VTA1: variants seen among roughly 807,000 people sequenced by gnomAD.
VTA1 encodes vesicle trafficking 1.
In VTA1, 24 loss-of-function variants were observed where a neutral mutation model predicts 36.9. That is an observed-to-expected ratio of 0.65 (90% CI 0.47 to 0.91). The LOEUF is 0.91. VTA1 is among the 40% of genes least tolerant of loss of function. VTA1 has a pLI of 0.00. For missense variants in VTA1, 393 were observed against 377.2 expected (o/e 1.04, Z -0.35); for synonymous variants, 142 against 130.2 (o/e 1.09, Z -0.62).
intron 4 of VTA1, among the ~76,000 whole-genome samples, chr6:142,186,616 A>G (rs780760975): frequency 2.8e-4 from 42 of 152,222 alleles, no homozygotes; most frequent in Non-Finnish European, 4.9e-4. Context: ...GACTCCTCCC[A>G]TTTACTTGAG....
intron 4 of VTA1, among the ~76,000 whole-genome samples, chr6:142,180,180 G>T (rs1354411686): frequency 6.6e-6 from 1 of 152,194 alleles, no homozygotes; most frequent in Non-Finnish European, 1.5e-5. Flanking sequence ...TAAGGAACCA[G>T]GACTTTCGTA....
intron 1 of VTA1, among the ~76,000 whole-genome samples, chr6:142,157,686 A>G (rs764024016): frequency 1.3e-5 from 2 of 152,150 alleles, no homozygotes; most frequent in African/African-American, 2.4e-5. Context: ...TGGTTGTTCA[A>G]AGTGGAAGCT....
chr6:142,157,173 T>G (rs1192951033), intron 1 of VTA1, among the ~76,000 whole-genome samples: 9 of 150,414 alleles, frequency 6.0e-5, no homozygotes, highest in African/African-American at 1.9e-4. Flanking sequence ...AAAAAAATGA[T>G]AATAATAATA....
intron 7 of VTA1, among the ~76,000 whole-genome samples, chr6:142,212,935 CAT>C (rs1385909052): frequency 1.3e-5 from 2 of 152,194 alleles, no homozygotes; most frequent in Non-Finnish European, 2.9e-5. Context: ...AAGTCCAAAT[CAT>C]ATCATTCTGT....
In VTA1 at chr6:142,222,116, G is replaced by T; in HGVS notation, c.*3473G>T. On this transcript the variant is annotated 3_prime_UTR_variant, in exon 8 of 8. Coordinates refer to ENST00000367630, the MANE Select transcript of VTA1 (RefSeq NM_016485.5). ...AGGATTTCTGTAAACTGGATGTGAG[G>T]TACGAACATAAGAGAAGGAGTAAAG... is the stretch of plus-strand genomic sequence containing the variant. The T allele has an allele frequency of 6.6e-6, 1 of 152,228 alleles. No individual in the cohort carries two copies. Among genetic ancestry groups the T allele is most frequent in the East Asian group, 1.9e-4 (1 of 5,180 alleles). The allele number at this position is 152,228 out of a possible 1,614,324, so 9.4% of individuals were successfully genotyped here.
At chr6:142,215,365 C>T (rs562154601) in intron 7 of VTA1, among the ~76,000 whole-genome samples, 16 of 151,124 alleles carry the variant, frequency 1.1e-4, no homozygotes, top group East Asian at 5.8e-4. Flanking sequence ...GGCATGAACC[C>T]GGGAGGTGAA....
In VTA1 at chr6:142,218,547, C is replaced by CAAAT. The variant is rs1776044586; in HGVS notation, c.830_833dup (p.Tyr278Ter). ...ACTTTGCTAGAGCTCAGAAGTACTGCAAATATGCTGGCAGTGCTTTGCAGT... is the reference window on the plus strand; with the variant it reads ...ACTTTGCTAGAGCTCAGAAGTACTGCAAATAAATATGCTGGCAGTGCTTTGCAGT... On this transcript the variant is annotated frameshift_variant, in exon 8 of 8. Transcript: ENST00000367630. LOFTEE classifies it high-confidence loss of function. 6.2e-7 allele frequency: 1 copy of CAAAT among 1,613,652 alleles called. No individual in the cohort carries two copies. Among genetic ancestry groups the CAAAT allele is most frequent in the Non-Finnish European group, 8.5e-7 (1 of 1,179,764 alleles).
intron 1 of VTA1, among the ~76,000 whole-genome samples, chr6:142,162,960 T>C (rs1774836834): frequency 1.3e-5 from 2 of 152,146 alleles, no homozygotes; most frequent in Admixed American, 6.5e-5. Context: ...AGTTTAATTA[T>C]AGAATGGCCA....
intron 7 of VTA1, among the ~76,000 whole-genome samples, chr6:142,215,360 G>A (rs991828111): frequency 6.6e-6 from 1 of 151,536 alleles, no homozygotes; most frequent in Non-Finnish European, 1.5e-5. Flanking sequence ...AGAATGGCAT[G>A]AACCCGGGAG....
At chr6:142,199,047 A>T (rs1262621315) in intron 6 of VTA1, among the ~76,000 whole-genome samples, 1 of 152,070 alleles carries the variant, frequency 6.6e-6, no homozygotes, top group Non-Finnish European at 1.5e-5. Flanking sequence ...CTCTGCCCTG[A>T]AGATGGGTAT....
chr6:142,205,219 G>A (rs1203183674), intron 7 of VTA1, among the ~76,000 whole-genome samples: 1 of 152,054 alleles, frequency 6.6e-6, no homozygotes, highest in African/African-American at 2.4e-5. Context: ...GCACTGCCTG[G>A]GCAGTTTGTT....
chr6:142,218,724 C>G lies in VTA1; in HGVS notation c.*81C>G. The G allele has an allele frequency of 1.4e-6, 2 of 1,459,568 alleles. No individual in the cohort carries two copies. Among genetic ancestry groups the G allele is most frequent in the Non-Finnish European group, 1.8e-6 (2 of 1,099,008 alleles). 90.4% of individuals were successfully genotyped at this position (1,459,568 alleles called of 1,614,324 possible). A position where few individuals can be genotyped will look rare whatever the true frequency, so the allele number is the denominator to read the frequency against. On this transcript the variant is annotated 3_prime_UTR_variant, in exon 8 of 8. Coordinates refer to ENST00000367630, the MANE Select transcript of VTA1 (RefSeq NM_016485.5). ...CTCTATCTTCAGCCTATCAGGATCACAGTTTTAAGGAAGACTTGGTTTTGT... is the reference window on the plus strand; with the variant it reads ...CTCTATCTTCAGCCTATCAGGATCAGAGTTTTAAGGAAGACTTGGTTTTGT...
chr6:142,213,328 C>T (rs1452511354), intron 7 of VTA1, among the ~76,000 whole-genome samples: 1 of 152,206 alleles, frequency 6.6e-6, no homozygotes, highest in Non-Finnish European at 1.5e-5. Flanking sequence ...GGTGGGCTCC[C>T]AAGGCCTTGG....
chr6:142,159,507 A>G (rs2114634654), intron 1 of VTA1, among the ~76,000 whole-genome samples: 1 of 144,332 alleles, frequency 6.9e-6, no homozygotes, highest in Admixed American at 6.9e-5. Flanking sequence ...TATTATTATT[A>G]TTATTATTAT....
intron 2 of VTA1, among the ~76,000 whole-genome samples, chr6:142,167,073 C>T (rs776360778): frequency 6.6e-6 from 1 of 152,140 alleles, no homozygotes; most frequent in Admixed American, 6.5e-5. Flanking sequence ...TCCTTTCTTC[C>T]TCCCTCTCTG....
At chr6:142,178,161 A>G (rs1031288740) in intron 4 of VTA1, among the ~76,000 whole-genome samples, 2 of 152,158 alleles carry the variant, frequency 1.3e-5, no homozygotes, top group African/African-American at 4.8e-5. Context: ...CTAGTGATGG[A>G]AGAGAAAATC....
At position 142,204,081 on chromosome 6, in the gene VTA1, A is replaced by G. The variant is rs765237183; in HGVS notation, c.778+16A>G. ...ATTTCCCAGGGTAAGTCAGCTGACTATTTTGTGAGATACATTTATCTCCTG... is the reference window on the plus strand; with the variant it reads ...ATTTCCCAGGGTAAGTCAGCTGACTGTTTTGTGAGATACATTTATCTCCTG... On this transcript the variant is annotated intron_variant, in intron 7 of 7. Coordinates refer to ENST00000367630, the MANE Select transcript of VTA1 (RefSeq NM_016485.5). The G allele has an allele frequency of 1.7e-5, 28 of 1,606,728 alleles. No individual in the cohort carries two copies. Among genetic ancestry groups the G allele is most frequent in the Non-Finnish European group, 2.3e-5 (27 of 1,173,942 alleles).
chr6:142,222,776 A>T lies in VTA1; in HGVS notation c.*4133A>T, dbSNP rs1304638784. On this transcript the variant is annotated 3_prime_UTR_variant, in exon 8 of 8. Coordinates refer to ENST00000367630, the MANE Select transcript of VTA1 (RefSeq NM_016485.5). The stretch of plus-strand genomic sequence containing the variant: ...ACTTAAGTAGGACAAATTCTAAGTA[A>T]GCAACACTTCAATAATAATCATAAT... 3.8e-5 allele frequency: 5 copies of T among 132,264 alleles called. No individual in the cohort carries two copies. The highest frequency in any genetic ancestry group is 7.5e-5 in the Admixed American group (1 of 13,406). The allele number at this position is 132,264 out of a possible 1,614,324, so 8.2% of individuals were successfully genotyped here.
chr6:142,205,675 A>G (rs908710938), intron 7 of VTA1, among the ~76,000 whole-genome samples: 14 of 152,206 alleles, frequency 9.2e-5, no homozygotes, highest in African/African-American at 3.4e-4. Flanking sequence ...AATTGCTCCA[A>G]AATTAGAATA....
Sources: allele counts gnomAD v4.1 joint callset (sites outside exome capture counted in the v4.1 genomes callset), GRCh38; gene constraint gnomAD v4.1.1; transcripts MANE v1.5; gene names NCBI Gene and HGNC (gene_info 2026-07-23, HGNC 2026-07-21).